Variants in SRGAP2 observed in about 807,000 individuals in gnomAD.
SRGAP2 encodes the protein SLIT-ROBO Rho GTPase activating protein 2.
Under a neutral mutation model 57.2 loss-of-function variants are expected in SRGAP2, and 15 were observed. The observed-to-expected ratio is 0.26, with a 90% CI of 0.18 to 0.40. The LOEUF is 0.40. Ranked by LOEUF, SRGAP2 falls within the 10% of genes least tolerant of loss-of-function variation. The probability of loss-of-function intolerance (pLI) is 1.00; values close to 1 mark genes in which losing one functional copy is unlikely to be tolerated. For missense variants in SRGAP2, 520 were observed against 669.6 expected, an observed-to-expected ratio of 0.78 and a Z score of 2.47; for synonymous variants, 249 against 248.0, an observed-to-expected ratio of 1.00 and a Z score of -0.04.
At chr1:206,418,416 C>T (rs1553362848) in intron 11 of SRGAP2, among the ~76,000 whole-genome samples, 3 of 152,244 alleles carry the variant, frequency 2.0e-5, no homozygotes, top group Non-Finnish European at 4.4e-5. Context: ...CTCCCTCCGC[C>T]AGCCCTTGGA....
Position 206,310,170 on chromosome 1 carries a change from G to T in SRGAP2, c.260+6697G>T, listed in dbSNP as rs2064512. Among the ~76,000 whole-genome samples the T allele has an allele frequency of 6.0e-3, 893 of 148,182 alleles. 11 individuals are homozygous for T. The highest frequency in any genetic ancestry group is 0.022 in the African/African-American group (823 of 37,656). The stretch of plus-strand genomic sequence containing the variant: ...AGGGTGAAACATATGAAATTGCTGG[G>T]TTTTTTTGTAAGGCAAAATGGCAAT... On this transcript the variant is annotated intron_variant, in intron 3 of 22. Coordinates refer to ENST00000573034, the MANE Select transcript of SRGAP2 (RefSeq NM_015326.5).
intron 3 of SRGAP2, among the ~76,000 whole-genome samples, chr1:206,306,709 C>T (rs1207649776): frequency 1.3e-5 from 2 of 152,138 alleles, no homozygotes; most frequent in Non-Finnish European, 1.5e-5. Flanking sequence ...TTCTCCACCT[C>T]CCCATCAGAT....
Position 206,461,378 on chromosome 1 carries a change from A to G in SRGAP2, c.3174A>G (p.Ser1058=), listed in dbSNP as rs782409498. The G allele has an allele frequency of 3.8e-6, 3 of 780,482 alleles. No homozygotes were observed. Among genetic ancestry groups the G allele is most frequent in the East Asian group, 2.4e-5 (1 of 41,260 alleles). The allele number at this position is 780,482 out of a possible 1,614,324, so 48.3% of individuals were successfully genotyped here. A position where few individuals can be genotyped will look rare whatever the true frequency, so the allele number is the denominator to read the frequency against. Residue 1058 remains serine, a synonymous_variant, in exon 23 of 23, where the codon TCA becomes TCG. Transcript: ENST00000573034. The stretch of plus-strand genomic sequence containing the variant: ...ATGCCACTAGCCCTGGTGTCAACTC[A>G]TCAACTTCCCCACAGTCTACTGACA... ...KTNATSPGVN[S]STSPQSTDKS...
chr1:206,304,813 A>G (rs1672097537), intron 3 of SRGAP2, among the ~76,000 whole-genome samples: 2 of 148,290 alleles, frequency 1.3e-5, no homozygotes, highest in African/African-American at 2.5e-5. Context: ...CTGAAGTACA[A>G]TAGCGTGATC....
At chr1:206,425,918 C>T (rs1660760553) in intron 13 of SRGAP2, among the ~76,000 whole-genome samples, 1 of 151,650 alleles carries the variant, frequency 6.6e-6, no homozygotes, top group East Asian at 1.9e-4. Flanking sequence ...GCAATCTTGC[C>T]TCACTGCAAC....
chr1:206,321,226 A>T (rs1553327552), intron 3 of SRGAP2, among the ~76,000 whole-genome samples: 1 of 143,108 alleles, frequency 7.0e-6, no homozygotes. Context: ...TAATTTCCTT[A>T]TTATTAGATT....
intron 10 of SRGAP2, among the ~76,000 whole-genome samples, chr1:206,415,299 T>A (rs1404995894): frequency 6.6e-6 from 1 of 152,254 alleles, no homozygotes; most frequent in African/African-American, 2.4e-5. Flanking sequence ...GATGTGTGTA[T>A]GCAAGTCGGG....
intron 2 of SRGAP2, among the ~76,000 whole-genome samples, chr1:206,239,794 G>A (rs1668099442): frequency 1.3e-5 from 2 of 151,862 alleles, no homozygotes; most frequent in South Asian, 4.2e-4. Flanking sequence ...TTTAGCCAGA[G>A]GGAGTTTATG....
intron 14 of SRGAP2, 63 bp from the exon 15 acceptor site, chr1:206,436,902 C>T (rs367921671): frequency 4.5e-5 from 35 of 778,352 alleles, no homozygotes; most frequent in African/African-American, 1.9e-4. Flanking sequence ...TTCAACTAAG[C>T]TTGGCACTAT....
At chr1:206,231,491 A>C (rs1667634255) in intron 2 of SRGAP2, among the ~76,000 whole-genome samples, 1 of 151,944 alleles carries the variant, frequency 6.6e-6, no homozygotes, top group Admixed American at 6.6e-5. Flanking sequence ...CCTACTTAAC[A>C]ATTTTGCTTA....
chr1:206,450,585 A>G (rs1663182464), intron 19 of SRGAP2, 120 bp downstream of exon 19: 2 of 628,718 alleles, frequency 3.2e-6, no homozygotes, highest in Non-Finnish European at 5.8e-6. Context: ...GCAGGCAGAG[A>G]GCTCCCTGTC....
intron 10 of SRGAP2, among the ~76,000 whole-genome samples, chr1:206,415,631 G>C (rs2103217741): frequency 6.6e-6 from 1 of 152,326 alleles, no homozygotes; most frequent in Non-Finnish European, 1.5e-5. Context: ...CTGCAGGAGA[G>C]GGGCTCTAGG....
chr1:206,373,118 CTGAGT>C (rs1654873853), intron 4 of SRGAP2, among the ~76,000 whole-genome samples: 3 of 31,254 alleles, frequency 9.6e-5, no homozygotes, highest in African/African-American at 3.6e-4. Context: ...TTTTTTTTTT[CTGAGT>C]CTTGCTCTGT....
At chr1:206,301,332 G>A (rs1671861876) in intron 2 of SRGAP2, among the ~76,000 whole-genome samples, 1 of 152,030 alleles carries the variant, frequency 6.6e-6, no homozygotes, top group African/African-American at 2.4e-5. Context: ...ACCGCGCCTG[G>A]CACTTGGTTC....
At chr1:206,410,174 G>A (rs1259010841) in intron 10 of SRGAP2, among the ~76,000 whole-genome samples, 3 of 152,226 alleles carry the variant, frequency 2.0e-5, no homozygotes, top group Admixed American at 2.0e-4. Flanking sequence ...CACCACTCTG[G>A]TTACAGGGTC....
Position 206,237,514 on chromosome 1 carries a change from C to G in SRGAP2, c.67+31477C>G, listed in dbSNP as rs1197723959. 4.4e-4 allele frequency among the ~76,000 whole-genome samples: 67 copies of G among 152,044 alleles called. 1 individual carries two copies. The highest frequency in any genetic ancestry group is 1.5e-3 in the African/African-American group (64 of 41,472). ...AGAATTCTTCCAGATTTTTAAGCTC[C>G]ACCACTACAACCTTTTACTGTTGTC... On this transcript the variant is annotated intron_variant, in intron 2 of 22. Coordinates refer to ENST00000573034, the MANE Select transcript of SRGAP2 (RefSeq NM_015326.5).
rs1477171064 is a variant in SRGAP2, at chr1:206,256,422, T to G, written c.68-46859T>G. Among the ~76,000 whole-genome samples, 8 of 150,846 alleles carry G rather than the reference T, an allele frequency of 5.3e-5. No individual in the cohort carries two copies. In the East Asian group the frequency reaches 1.6e-3, roughly 30 times the overall value. On this transcript the variant is annotated intron_variant, in intron 2 of 22. Transcript: ENST00000573034. Reference sequence around the variant, plus strand: ...AAGGATTTTAAAGGGCTAATGGAAATTCTTCTAGAAGTAACAATTCCCATT... The same window carrying G: ...AAGGATTTTAAAGGGCTAATGGAAAGTCTTCTAGAAGTAACAATTCCCATT...
rs1179339667 is a variant in SRGAP2, at chr1:206,280,844, A to G, written c.68-22437A>G. Reference sequence around the variant, plus strand: ...TTCTCTCTGCACAAAGAATTGTGCAATTTCCAGCGGGAACTCCCCTCTGGA... The same window carrying G: ...TTCTCTCTGCACAAAGAATTGTGCAGTTTCCAGCGGGAACTCCCCTCTGGA... On this transcript the variant is annotated intron_variant, in intron 2 of 22. Coordinates refer to ENST00000573034, the MANE Select transcript of SRGAP2 (RefSeq NM_015326.5). Among the ~76,000 whole-genome samples, 3 of 149,292 alleles carry G rather than the reference A, an allele frequency of 2.0e-5. No homozygotes were observed. In the East Asian group the frequency reaches 6.0e-4, roughly 30 times the overall value.
At chr1:206,378,482 G>A (rs1308624339) in intron 4 of SRGAP2, among the ~76,000 whole-genome samples, 1 of 152,022 alleles carries the variant, frequency 6.6e-6, no homozygotes, top group African/African-American at 2.4e-5. Flanking sequence ...GCAAGACCTT[G>A]TATCTAAAAA....
Sources: gnomAD v4.1 joint callset for allele counts (sites outside exome capture counted in the v4.1 genomes callset) on GRCh38, gnomAD v4.1.1 for gene constraint, MANE v1.5 for transcripts, NCBI Gene and HGNC (gene_info 2026-07-23, HGNC 2026-07-21) for gene names.